RGS9: variants seen among roughly 807,000 people sequenced by gnomAD.
The protein encoded by RGS9 is regulator of G-protein signalling 9.
A neutral mutation model predicts 102.0 loss-of-function variants in RGS9; 78 were observed. The observed-to-expected ratio is 0.76, with a 90% CI of 0.64 to 0.92. The LOEUF is 0.92. Among genes scored for constraint, RGS9 ranks in the 40% least tolerant of loss-of-function variants. The probability of loss-of-function intolerance (pLI) is 0.00; values close to 1 mark genes in which losing one functional copy is unlikely to be tolerated. For synonymous variants in RGS9, 353 were observed against 318.6 expected (o/e 1.11, Z -1.15); for missense variants, 833 against 866.1 (o/e 0.96, Z 0.48).
chr17:65,169,866 C>T lies in RGS9; in HGVS notation c.582+1585C>T, dbSNP rs552130892. On this transcript the variant is annotated intron_variant, in intron 8 of 18. Coordinates refer to ENST00000262406, the MANE Select transcript of RGS9 (RefSeq NM_003835.4). Reference sequence around the variant, plus strand: ...CACCACCATGACCGTCATCCCACCTCCCACTCCCTCACCTCCTTTATCTCC... The same window carrying T: ...CACCACCATGACCGTCATCCCACCTTCCACTCCCTCACCTCCTTTATCTCC... 9.5e-4 allele frequency among the ~76,000 whole-genome samples: 144 copies of T among 151,922 alleles called. 1 individual carries two copies. The Middle Eastern group carries it at 0.017, about 18-fold the overall frequency.
In RGS9 at chr17:65,189,181, A is replaced by T. The variant is rs528333514; in HGVS notation, c.655-105A>T. The T allele has an allele frequency of 7.7e-6, 7 of 903,584 alleles. No individual in the cohort carries two copies. The African/African-American group carries it at 1.1e-4, about 15-fold the overall frequency. 56.0% of individuals were successfully genotyped at this position (903,584 alleles called of 1,614,324 possible). On this transcript the variant is annotated intron_variant, in intron 9 of 18. Transcript: ENST00000262406. Reference sequence around the variant, plus strand: ...ATCCTATCTTTTAAGAAAGAAAAAAATGGGCATTTTTCTCATGGGGAAGGA... The same window carrying T: ...ATCCTATCTTTTAAGAAAGAAAAAATTGGGCATTTTTCTCATGGGGAAGGA...
intron 3 of RGS9, chr17:65,158,855 G>C (rs1910873118): frequency 7.8e-6 from 2 of 258,040 alleles, no homozygotes; most frequent in Non-Finnish European, 1.5e-5. Flanking sequence ...TTTGAGCATG[G>C]CAATGTGCCT....
chr17:65,186,043 C>T (rs1912101586), intron 9 of RGS9, among the ~76,000 whole-genome samples: 1 of 148,504 alleles, frequency 6.7e-6, no homozygotes, highest in Non-Finnish European at 1.5e-5. Flanking sequence ...GTGCTTATGA[C>T]ACTGGCGGCT....
In RGS9 at chr17:65,187,931, G is replaced by A. The variant is rs561676285; in HGVS notation, c.655-1355G>A. Reference sequence around the variant, plus strand: ...GAATCACTTGAACCCTGGAGGAGGAGGTTGCAGTAAACTGAGATCACACCA... The same window carrying A: ...GAATCACTTGAACCCTGGAGGAGGAAGTTGCAGTAAACTGAGATCACACCA... On this transcript the variant is annotated intron_variant, in intron 9 of 18. Coordinates refer to ENST00000262406, the MANE Select transcript of RGS9 (RefSeq NM_003835.4). Among the ~76,000 whole-genome samples the A allele has an allele frequency of 3.9e-5, 6 of 152,286 alleles. No individual in the cohort carries two copies. The East Asian group carries it at 1.2e-3, about 29-fold the overall frequency.
intron 7 of RGS9, among the ~76,000 whole-genome samples, chr17:65,166,694 C>T (rs556747740): frequency 5.9e-5 from 9 of 152,298 alleles, no homozygotes; most frequent in East Asian, 1.9e-4. Context: ...GGAAAGGACC[C>T]GTGGGGTAAA....
chr17:65,208,819 G>C (rs1310162210), intron 16 of RGS9, among the ~76,000 whole-genome samples: 1 of 151,892 alleles, frequency 6.6e-6, no homozygotes, highest in Non-Finnish European at 1.5e-5. Flanking sequence ...GGGATGGCCG[G>C]ACCAGAGCCT....
In RGS9 at chr17:65,160,868, C is replaced by T. The variant is rs760312819; in HGVS notation, c.382C>T (p.Arg128Ter). The T allele has an allele frequency of 3.2e-5, 52 of 1,613,646 alleles. No homozygotes were observed. The highest frequency in any genetic ancestry group is 6.7e-5 in the Admixed American group (4 of 59,986). ...TTTTCCAGCCATCTATCTGGCCAAG[C>T]GAAATATCAAAAAGAAAGGGATTTT... is the stretch of plus-strand genomic sequence containing the variant. ...DTDYAIYLAK[R>*]NIKKKGILEE... The change falls in exon 6 of 19, where the codon CGA (arginine) becomes TGA (stop). Residue 128 changes from arginine to a stop codon, truncating the protein, a stop_gained. Transcript: ENST00000262406. LOFTEE classifies it high-confidence loss of function.
At position 65,168,192 on chromosome 17, in the gene RGS9, C is replaced by T. The variant is rs375848945; in HGVS notation, c.501-8C>T. On this transcript the variant is annotated splice_polypyrimidine_tract_variant and splice_region_variant and intron_variant, in intron 7 of 18. Transcript: ENST00000262406. ...TCCTGGCCTTACACGTGGCTTTTGG[C>T]TTTCCAGGGCTGGAAAGGAGAGGAA... 9.0e-5 allele frequency: 144 copies of T among 1,604,666 alleles called. No individual in the cohort carries two copies. The highest frequency in any genetic ancestry group is 1.2e-4 in the Non-Finnish European group (139 of 1,175,204).
Position 65,225,383 on chromosome 17 carries a change from G to T in RGS9, c.1789G>T (p.Ala597Ser), listed in dbSNP as rs913010766. 1 of 1,611,866 alleles carries T rather than the reference G, an allele frequency of 6.2e-7. No homozygotes were observed. The highest frequency in any genetic ancestry group is 1.7e-5 in the Admixed American group (1 of 60,028). ...RRGCLASPVF[A>S]RLSPKCPAVS... The stretch of plus-strand genomic sequence containing the variant: ...AGGCTGTCTGGCCTCACCTGTCTTT[G>T]CCAGGCTCTCACCCAAGTGCCCTGC... The change falls in exon 18 of 19, where the codon GCC becomes TCC. Residue 597 changes from alanine (A) to serine (S), a missense_variant. Around this residue, in one of 3 missense-constraint regions of RGS9, gnomAD observed 320 missense variants for 276.8 expected, o/e 1.16. Coordinates refer to ENST00000262406, the MANE Select transcript of RGS9 (RefSeq NM_003835.4).
intron 17 of RGS9, among the ~76,000 whole-genome samples, chr17:65,211,257 G>T (rs905140033): frequency 2.6e-5 from 4 of 152,202 alleles, no homozygotes; most frequent in Admixed American, 6.5e-5. Context: ...TGCTATGCCT[G>T]CCTGGAAAGA....
At chr17:65,154,623 G>A (rs527821839) in intron 2 of RGS9, among the ~76,000 whole-genome samples, 1 of 152,290 alleles carries the variant, frequency 6.6e-6, no homozygotes, top group East Asian at 1.9e-4. Flanking sequence ...TGTGGGAGTG[G>A]TGCCACTGTC....
Position 65,174,108 on chromosome 17 carries a change from C to T in RGS9, c.583-3624C>T, listed in dbSNP as rs138462426. The stretch of plus-strand genomic sequence containing the variant: ...CAGAATCATGAAGCCCAGTGGGTGG[C>T]TGCAGGTCTGAGAGTCTAAGGCCGT... On this transcript the variant is annotated intron_variant, in intron 8 of 18. Coordinates refer to ENST00000262406, the MANE Select transcript of RGS9 (RefSeq NM_003835.4). 3.9e-5 allele frequency among the ~76,000 whole-genome samples: 6 copies of T among 152,304 alleles called. No homozygotes were observed. In the East Asian group the frequency reaches 1.2e-3, roughly 29 times the overall value.
At chr17:65,162,750 T>C (rs1911033119) in intron 6 of RGS9, among the ~76,000 whole-genome samples, 1 of 151,866 alleles carries the variant, frequency 6.6e-6, no homozygotes, top group African/African-American at 2.4e-5. Context: ...ATTACAGGTG[T>C]GAGCCACCAC....
In RGS9 at chr17:65,138,765, G is replaced by A. The variant is rs541894689; in HGVS notation, c.57+1168G>A. The stretch of plus-strand genomic sequence containing the variant: ...TTATCCTAGGACTGTCTCCTCCCAG[G>A]CAGGACAGCTCTGGCTTGGGGGCTC... On this transcript the variant is annotated intron_variant, in intron 1 of 18. Coordinates refer to ENST00000262406, the MANE Select transcript of RGS9 (RefSeq NM_003835.4). 8.4e-4 allele frequency among the ~76,000 whole-genome samples: 128 copies of A among 152,206 alleles called. 1 individual carries two copies. Among genetic ancestry groups the A allele is most frequent in the South Asian group, 7.9e-3 (38 of 4,826 alleles).
intron 8 of RGS9, among the ~76,000 whole-genome samples, chr17:65,171,919 T>C (rs1199256580): frequency 1.3e-5 from 2 of 152,256 alleles, no homozygotes. Context: ...GTGCCATCTG[T>C]GACTTCCTGC....
At chr17:65,189,430 A>G in intron 10 of RGS9, 115 bp downstream of exon 10, 1 of 821,780 alleles carries the variant, frequency 1.2e-6, no homozygotes, top group Non-Finnish European at 2.1e-6. Context: ...GCAATGTTCA[A>G]ACAATTATTT....
At chr17:65,146,994 T>C (rs1012474952) in intron 1 of RGS9, among the ~76,000 whole-genome samples, 6 of 152,288 alleles carry the variant, frequency 3.9e-5, no homozygotes, top group East Asian at 1.9e-4. Flanking sequence ...CTGCAGCCTG[T>C]TGCCTCCTCA....
At chr17:65,177,434 T>C (rs1406478653) in intron 8 of RGS9, among the ~76,000 whole-genome samples, 1 of 152,044 alleles carries the variant, frequency 6.6e-6, no homozygotes, top group Non-Finnish European at 1.5e-5. Flanking sequence ...GTGCTGGGGA[T>C]GCCAACCACC....
At position 65,137,398 on chromosome 17, in the gene RGS9, G is replaced by C. The variant is rs1030541668; in HGVS notation, c.-143G>C. Reference sequence around the variant, plus strand: ...CAGCGGCGCCTAGTGAGAGTCAGGGGGGCCCGGCCCGCGCCCTCCCCGCCC... The same window carrying C: ...CAGCGGCGCCTAGTGAGAGTCAGGGCGGCCCGGCCCGCGCCCTCCCCGCCC... On this transcript the variant is annotated 5_prime_UTR_variant, in exon 1 of 19. Coordinates refer to ENST00000262406, the MANE Select transcript of RGS9 (RefSeq NM_003835.4). 3.9e-6 allele frequency: 3 copies of C among 777,822 alleles called. No homozygotes were observed. The highest frequency in any genetic ancestry group is 6.6e-6 in the Non-Finnish European group (3 of 452,852). 48.2% of individuals were successfully genotyped at this position (777,822 alleles called of 1,614,324 possible). A position where few individuals can be genotyped will look rare whatever the true frequency, so the allele number is the denominator to read the frequency against.
Sources: allele counts gnomAD v4.1 joint callset (sites outside exome capture counted in the v4.1 genomes callset), GRCh38; gene constraint gnomAD v4.1.1; regional missense constraint gnomAD v4.1.1; transcripts MANE v1.5; gene names NCBI Gene and HGNC (gene_info 2026-07-23, HGNC 2026-07-21).